The following SLC1A2 variants were observed in gnomAD, a reference collection of about 807,000 sequenced individuals.
The protein encoded by SLC1A2 is excitatory amino acid transporter 2.
In SLC1A2, 15 loss-of-function variants were observed where a neutral mutation model predicts 48.8. The observed-to-expected ratio is 0.31, with a 90% CI of 0.21 to 0.47. The LOEUF (loss-of-function observed/expected upper bound fraction) is 0.47. Ranked by LOEUF, SLC1A2 falls within the 20% of genes least tolerant of loss-of-function variation. The pLI, the probability that SLC1A2 is intolerant of heterozygous loss-of-function variation, is 0.99. For synonymous variants in SLC1A2, 279 were observed against 272.6 expected (o/e 1.02, Z -0.23); for missense variants, 502 against 730.5 (o/e 0.69, Z 3.61).
chr11:35,362,219 C>A (rs1853708218), intron 1 of SLC1A2, among the ~76,000 whole-genome samples: 1 of 152,192 alleles, frequency 6.6e-6, no homozygotes, highest in Non-Finnish European at 1.5e-5. Flanking sequence ...ACAATCCCCG[C>A]AGGTGTCTGG....
At chr11:35,264,335 T>C (rs1950444266) in intron 10 of SLC1A2, among the ~76,000 whole-genome samples, 1 of 152,132 alleles carries the variant, frequency 6.6e-6, no homozygotes, top group Non-Finnish European at 1.5e-5. Flanking sequence ...AGAAGTAATA[T>C]AGGAAGAAAT....
At chr11:35,380,454 AG>A (rs1374571706) in intron 1 of SLC1A2, 1 of 398,426 alleles carries the variant, frequency 2.5e-6, no homozygotes, top group Non-Finnish European at 4.4e-6. Context: ...CTCTTGTTAA[AG>A]AGTTTTATTT....
At position 35,258,409 on chromosome 11, in the gene SLC1A2, G is replaced by A. The variant is rs1442255965; in HGVS notation, c.*2485C>T. On this transcript the variant is annotated 3_prime_UTR_variant, in exon 11 of 11. Transcript: ENST00000278379. The stretch of plus-strand genomic sequence containing the variant: ...GTTGAAGACAAAACACACCGGAAAG[G>A]TTTCAGGCAGAGTTCTGAGAAGAGA... 6.6e-6 allele frequency: 1 copy of A among 152,460 alleles called. No individual in the cohort carries two copies. Among genetic ancestry groups the A allele is most frequent in the Non-Finnish European group, 1.5e-5 (1 of 68,040 alleles). 9.4% of individuals were successfully genotyped at this position (152,460 alleles called of 1,614,324 possible). A position where few individuals can be genotyped will look rare whatever the true frequency, so the allele number is the denominator to read the frequency against.
At chr11:35,310,830 T>TTA (rs1851664478) in intron 4 of SLC1A2, among the ~76,000 whole-genome samples, 1 of 152,106 alleles carries the variant, frequency 6.6e-6, no homozygotes, top group African/African-American at 2.4e-5. Flanking sequence ...ATCACCTGTT[T>TTA]TAAAAAAATC....
chr11:35,377,696 C>T (rs1854288817), intron 1 of SLC1A2, among the ~76,000 whole-genome samples: 1 of 152,160 alleles, frequency 6.6e-6, no homozygotes, highest in Admixed American at 6.5e-5. Context: ...TCCCAACAAC[C>T]CCTAAAAAGT....
chr11:35,292,794 CATCTTT>C (rs1235792108), intron 6 of SLC1A2, among the ~76,000 whole-genome samples: 1 of 152,118 alleles, frequency 6.6e-6, no homozygotes, highest in African/African-American at 2.4e-5. Context: ...CATGCATTGC[CATCTTT>C]ATCTTTACCA....
At chr11:35,314,785 C>CTTTTT (rs5791048) in intron 3 of SLC1A2, among the ~76,000 whole-genome samples, 3 of 141,038 alleles carry the variant, frequency 2.1e-5, no homozygotes, top group African/African-American at 2.6e-5. Flanking sequence ...CTTTTCTTTT[C>CTTTTT]TTTTTTTTTT....
At chr11:35,306,266 C>T in intron 4 of SLC1A2, 24 bp from the exon 5 acceptor site, 2 of 1,592,054 alleles carry the variant, frequency 1.3e-6, no homozygotes, top group Non-Finnish European at 8.6e-7. Context: ...GGAAAAAAGG[C>T]ATAGAGCTGA....
rs143419563 is a variant in SLC1A2 at position 35,414,941 on chromosome 11, G to C, written c.17+4009C>G. 4.4e-4 allele frequency among the ~76,000 whole-genome samples: 67 copies of C among 152,292 alleles called. No homozygotes were observed. In the East Asian group the frequency reaches 8.7e-3, roughly 20 times the overall value. ...AAACAATTCAGTTTGCCTTTAAAAG[G>C]GGGGAAACCAGACATCAGGGCATTG... On this transcript the variant is annotated intron_variant, in intron 1 of 10. Transcript: ENST00000278379.
intron 6 of SLC1A2, 33 bp downstream of exon 6, chr11:35,301,486 C>G: frequency 6.2e-7 from 1 of 1,608,744 alleles, no homozygotes; most frequent in Non-Finnish European, 8.5e-7. Flanking sequence ...CTTTCTCAAC[C>G]CACTGCTAAG....
At chr11:35,357,199 G>C (rs1053076940) in intron 1 of SLC1A2, among the ~76,000 whole-genome samples, 2 of 151,580 alleles carry the variant, frequency 1.3e-5, no homozygotes, top group Non-Finnish European at 2.9e-5. Flanking sequence ...AGAGGTTGTA[G>C]TGAGTCGAGA....
intron 1 of SLC1A2, among the ~76,000 whole-genome samples, chr11:35,393,281 C>T (rs747614008): frequency 8.5e-5 from 13 of 152,158 alleles, no homozygotes; most frequent in African/African-American, 9.7e-5. Context: ...CTGTCCTTAA[C>T]GCCTAGCAGA....
At position 35,254,939 on chromosome 11, in the gene SLC1A2, G is replaced by A. The variant is rs1289241218; in HGVS notation, c.*5955C>T. On this transcript the variant is annotated 3_prime_UTR_variant, in exon 11 of 11. Transcript: ENST00000278379. Reference sequence around the variant, plus strand: ...ATTCAGGATATTATTTAGGATAAATGAAATAGGAACTTAGGGGCATCTCTC... The same window carrying A: ...ATTCAGGATATTATTTAGGATAAATAAAATAGGAACTTAGGGGCATCTCTC... 8.8e-6 allele frequency: 3 copies of A among 340,330 alleles called. No individual in the cohort carries two copies. The highest frequency in any genetic ancestry group is 6.5e-5 in the African/African-American group (3 of 45,884). 21.1% of individuals were successfully genotyped at this position (340,330 alleles called of 1,614,324 possible). A position where few individuals can be genotyped will look rare whatever the true frequency, so the allele number is the denominator to read the frequency against.
At chr11:35,368,774 C>T (rs997701543) in intron 1 of SLC1A2, among the ~76,000 whole-genome samples, 1 of 152,138 alleles carries the variant, frequency 6.6e-6, no homozygotes, top group African/African-American at 2.4e-5. Flanking sequence ...AGATTCAGGC[C>T]CAGCCATGAT....
chr11:35,270,310 G>A (rs1251360522), intron 9 of SLC1A2, among the ~76,000 whole-genome samples: 1 of 152,126 alleles, frequency 6.6e-6, no homozygotes, highest in Admixed American at 6.5e-5. Context: ...CCTCACAGGA[G>A]GTTGTACTAA....
chr11:35,333,224 C>T (rs986088030), intron 1 of SLC1A2, among the ~76,000 whole-genome samples: 1 of 152,060 alleles, frequency 6.6e-6, no homozygotes, highest in African/African-American at 2.4e-5. Flanking sequence ...ACCAGCCTTG[C>T]CAAAATGGTG....
intron 1 of SLC1A2, among the ~76,000 whole-genome samples, chr11:35,367,482 C>T (rs151237815): frequency 1.1e-3 from 168 of 152,354 alleles, no homozygotes; most frequent in African/African-American, 3.8e-3. Flanking sequence ...AAGACCAAAG[C>T]AAACTCCATT....
chr11:35,381,165 C>G (rs1372704012), intron 1 of SLC1A2, among the ~76,000 whole-genome samples: 1 of 152,072 alleles, frequency 6.6e-6, no homozygotes, highest in African/African-American at 2.4e-5. Context: ...GCCACCTTTT[C>G]CATGTCATCC....
intron 9 of SLC1A2, among the ~76,000 whole-genome samples, chr11:35,269,300 G>T (rs1850204911): frequency 6.6e-6 from 1 of 152,044 alleles, no homozygotes; most frequent in South Asian, 2.1e-4. Context: ...CCACCTACCT[G>T]GTCTATAGTA....
Sources: gnomAD v4.1 joint callset for allele counts (sites outside exome capture counted in the v4.1 genomes callset) on GRCh38, gnomAD v4.1.1 for gene constraint, MANE v1.5 for transcripts, NCBI Gene and HGNC (gene_info 2026-07-23, HGNC 2026-07-21) for gene names.